The following EIF2AK3 variants were observed in gnomAD, a reference collection of about 807,000 sequenced individuals.
The protein encoded by EIF2AK3 is eukaryotic translation initiation factor 2-alpha kinase 3.
EIF2AK3 carries 50 observed loss-of-function variants against 113.5 expected under a neutral mutation model. The observed-to-expected ratio is 0.44, with a 90% CI of 0.35 to 0.56. EIF2AK3 has a LOEUF of 0.56. Among genes scored for constraint, EIF2AK3 ranks in the 20% least tolerant of loss-of-function variants. The probability of loss-of-function intolerance (pLI) is 0.00; values close to 1 mark genes in which losing one functional copy is unlikely to be tolerated. For missense variants in EIF2AK3, 1,185 were observed against 1,378.0 expected, an observed-to-expected ratio of 0.86 and a Z score of 2.22; for synonymous variants, 448 against 495.4, an observed-to-expected ratio of 0.90 and a Z score of 1.27.
chr2:88,590,191 T>C (rs779776061), intron 6 of EIF2AK3, among the ~76,000 whole-genome samples: 1 of 152,106 alleles, frequency 6.6e-6, no homozygotes, highest in Non-Finnish European at 1.5e-5. Flanking sequence ...GCAGAGATCA[T>C]GCCATCACAC....
At chr2:88,613,115 G>A (rs1473132496) in intron 2 of EIF2AK3, among the ~76,000 whole-genome samples, 9 of 152,262 alleles carry the variant, frequency 5.9e-5, no homozygotes, top group African/African-American at 2.2e-4. Flanking sequence ...TCACTTTATT[G>A]ATGAGAACAA....
At chr2:88,615,806 C>G (rs1675552158) in intron 1 of EIF2AK3, among the ~76,000 whole-genome samples, 1 of 152,184 alleles carries the variant, frequency 6.6e-6, no homozygotes, top group Non-Finnish European at 1.5e-5. Context: ...TATATACTGT[C>G]TCCTAATCTC....
At chr2:88,566,222 A>G (rs1674120070) in intron 14 of EIF2AK3, among the ~76,000 whole-genome samples, 1 of 152,226 alleles carries the variant, frequency 6.6e-6, no homozygotes, top group African/African-American at 2.4e-5. Context: ...GTGCTATGTA[A>G]TGAAGGCCTG....
chr2:88,606,688 A>T (rs552009086), intron 2 of EIF2AK3, among the ~76,000 whole-genome samples: 1 of 152,340 alleles, frequency 6.6e-6, no homozygotes, highest in African/African-American at 2.4e-5. Context: ...AAAAGGGTCT[A>T]CTAATAGACT....
At chr2:88,559,343 G>A (rs188651572) in intron 15 of EIF2AK3, among the ~76,000 whole-genome samples, 4 of 152,140 alleles carry the variant, frequency 2.6e-5, no homozygotes, top group Non-Finnish European at 5.9e-5. Flanking sequence ...TATTTACATA[G>A]AATTTACATT....
At chr2:88,570,179 C>T (rs1201842251) in intron 14 of EIF2AK3, among the ~76,000 whole-genome samples, 2 of 151,994 alleles carry the variant, frequency 1.3e-5, no homozygotes, top group South Asian at 2.1e-4. Context: ...TAACAAATAT[C>T]GATAGATAAA....
intron 2 of EIF2AK3, 162 bp from the exon 3 acceptor site, chr2:88,595,825 T>G (rs758245548): frequency 1.3e-6 from 1 of 760,428 alleles, no homozygotes. Flanking sequence ...GAGTAGCACA[T>G]GAAGCAGTGC....
chr2:88,589,015 C>A, intron 6 of EIF2AK3, 114 bp from the exon 7 acceptor site: 1 of 1,259,898 alleles, frequency 7.9e-7, no homozygotes, highest in South Asian at 1.3e-5. Flanking sequence ...AAACTCTTGT[C>A]AAAGAAGAAA....
At chr2:88,616,120 T>A (rs1675562737) in intron 1 of EIF2AK3, among the ~76,000 whole-genome samples, 1 of 152,160 alleles carries the variant, frequency 6.6e-6, no homozygotes, top group South Asian at 2.1e-4. Flanking sequence ...TCTACCTACA[T>A]GTAATTTTTT....
At chr2:88,578,623 A>C (rs1046196205) in intron 11 of EIF2AK3, among the ~76,000 whole-genome samples, 2 of 151,794 alleles carry the variant, frequency 1.3e-5, no homozygotes, top group East Asian at 3.9e-4. Flanking sequence ...CAAAGGTTGC[A>C]GAGAGCCGAG....
In EIF2AK3 at chr2:88,557,604, A is replaced by G; in HGVS notation, c.*132T>C. On this transcript the variant is annotated 3_prime_UTR_variant, in exon 17 of 17. Transcript: ENST00000303236. ...TGCCCCCAAATCCAGCTTAAATTTGATATAAAAAAAGTAGTCCACAAAAAA... is the reference window on the plus strand; with the variant it reads ...TGCCCCCAAATCCAGCTTAAATTTGGTATAAAAAAAGTAGTCCACAAAAAA... 1.0e-6 allele frequency: 1 copy of G among 962,242 alleles called. No homozygotes were observed. Among genetic ancestry groups the G allele is most frequent in the Non-Finnish European group, 1.7e-6 (1 of 598,834 alleles). 59.6% of individuals were successfully genotyped at this position (962,242 alleles called of 1,614,324 possible).
chr2:88,613,713 A>AAAATT lies in EIF2AK3; in HGVS notation c.438+6_438+10dup, dbSNP rs1558663340. 8.1e-6 allele frequency: 13 copies of AAAATT among 1,613,910 alleles called. No homozygotes were observed. Among genetic ancestry groups the AAAATT allele is most frequent in the African/African-American group, 1.3e-5 (1 of 74,920 alleles). On this transcript the variant is annotated intron_variant, in intron 2 of 16. Coordinates refer to ENST00000303236, the MANE Select transcript of EIF2AK3 (RefSeq NM_004836.7). ...AAGTTTTCTAGTCAACAGTTAACAG[A>AAAATT]AAATTCTTACCTCTGGTTTGCTAAG...
intron 2 of EIF2AK3, among the ~76,000 whole-genome samples, chr2:88,606,232 T>C (rs1301730147): frequency 6.6e-6 from 1 of 152,026 alleles, no homozygotes; most frequent in African/African-American, 2.4e-5. Flanking sequence ...TTTTAATAAC[T>C]ATCTCTGCCT....
At chr2:88,585,751 A>T (rs1009526250) in intron 9 of EIF2AK3, 90 bp downstream of exon 9, 1 of 1,243,320 alleles carries the variant, frequency 8.0e-7, no homozygotes, top group Admixed American at 2.1e-5. Flanking sequence ...TTGGTGGAGC[A>T]GTAGGGATGG....
chr2:88,576,432 G>C (rs1015257044), intron 12 of EIF2AK3, 122 bp downstream of exon 12: 17 of 1,416,444 alleles, frequency 1.2e-5, no homozygotes, highest in Admixed American at 2.3e-5. Context: ...TTCAAAACAT[G>C]AAACAACAGA....
chr2:88,606,309 A>T (rs1011459391), intron 2 of EIF2AK3, among the ~76,000 whole-genome samples: 8 of 144,582 alleles, frequency 5.5e-5, no homozygotes, highest in East Asian at 1.9e-4. Flanking sequence ...CTAAAAAAAT[A>T]AAATAAAAAA....
Position 88,613,721 on chromosome 2 carries a change from T to C in EIF2AK3, c.438+3A>G. ...TAGTCAACAGTTAACAGAAAATTCT[T>C]ACCTCTGGTTTGCTAAGGCTGGATG... On this transcript the variant is annotated splice_donor_region_variant and intron_variant, in intron 2 of 16. Transcript: ENST00000303236. 3 of 1,614,076 alleles carry C rather than the reference T, an allele frequency of 1.9e-6. No individual in the cohort carries two copies. The highest frequency in any genetic ancestry group is 2.5e-6 in the Non-Finnish European group (3 of 1,179,938).
intron 2 of EIF2AK3, among the ~76,000 whole-genome samples, chr2:88,612,550 T>A (rs1310896727): frequency 1.3e-5 from 2 of 152,236 alleles, no homozygotes; most frequent in Non-Finnish European, 1.5e-5. Flanking sequence ...TGAGAAACAG[T>A]AGCCACTTAT....
chr2:88,560,290 T>C (rs1221730137), intron 15 of EIF2AK3, among the ~76,000 whole-genome samples: 1 of 152,248 alleles, frequency 6.6e-6, no homozygotes, highest in Non-Finnish European at 1.5e-5. Flanking sequence ...TTGCCCCTTT[T>C]TAAAATGAGT....
Sources: gnomAD v4.1 joint callset for allele counts (sites outside exome capture counted in the v4.1 genomes callset) on GRCh38, gnomAD v4.1.1 for gene constraint, MANE v1.5 for transcripts, NCBI Gene and HGNC (gene_info 2026-07-23, HGNC 2026-07-21) for gene names.